PHACTR1: variants seen among roughly 807,000 people sequenced by gnomAD.
The protein encoded by PHACTR1 is RPEL repeat containing 1.
PHACTR1 carries 16 observed loss-of-function variants against 69.2 expected under a neutral mutation model. The ratio of observed to expected loss-of-function variants is 0.23; its 90% CI spans 0.16 to 0.35. The LOEUF is 0.35. Ranked by LOEUF, PHACTR1 falls within the 10% of genes least tolerant of loss-of-function variation. The probability of loss-of-function intolerance (pLI) is 1.00; values close to 1 mark genes in which losing one functional copy is unlikely to be tolerated. For missense variants in PHACTR1, 510 were observed against 734.7 expected (o/e 0.69, Z 3.54); for synonymous variants, 312 against 284.5 (o/e 1.10, Z -0.97).
intron 4 of PHACTR1, among the ~76,000 whole-genome samples, chr6:12,819,482 G>A (rs991033575): frequency 2.6e-5 from 4 of 152,096 alleles, no homozygotes; most frequent in Non-Finnish European, 5.9e-5. Context: ...CAGTAAGGTA[G>A]GAGTTAGGAA....
intron 8 of PHACTR1, among the ~76,000 whole-genome samples, chr6:13,219,399 G>A (rs891487696): frequency 6.6e-6 from 1 of 152,164 alleles, no homozygotes; most frequent in Non-Finnish European, 1.5e-5. Flanking sequence ...CAGGGACGGG[G>A]CACTGAAGAA....
intron 4 of PHACTR1, among the ~76,000 whole-genome samples, chr6:12,891,232 T>C (rs2127468942): frequency 6.6e-6 from 1 of 152,260 alleles, no homozygotes; most frequent in East Asian, 1.9e-4. Context: ...ATTTGGGTGA[T>C]CAGTGTGAAA....
intron 4 of PHACTR1, among the ~76,000 whole-genome samples, chr6:12,753,693 C>T (rs1766893162): frequency 1.3e-5 from 2 of 152,284 alleles, no homozygotes; most frequent in Admixed American, 1.3e-4. Context: ...CCAAGGATAG[C>T]TGTTTCTGGC....
At chr6:13,228,084 C>T in intron 9 of PHACTR1, 21 bp downstream of exon 9, 1 of 1,599,712 alleles carries the variant, frequency 6.3e-7, no homozygotes. Flanking sequence ...CTTAACTCAT[C>T]ACCAGGGGTG....
chr6:13,048,688 C>T (rs1214950174), intron 4 of PHACTR1, among the ~76,000 whole-genome samples: 1 of 152,206 alleles, frequency 6.6e-6, no homozygotes, highest in African/African-American at 2.4e-5. Flanking sequence ...CATGCCACCA[C>T]ACCCAGCTTA....
intron 4 of PHACTR1, among the ~76,000 whole-genome samples, chr6:12,825,298 A>G (rs1333554278): frequency 1.3e-5 from 2 of 151,680 alleles, no homozygotes; most frequent in Non-Finnish European, 2.9e-5. Context: ...GGGCAACAGA[A>G]CAAAACCCTC....
Position 13,283,779 on chromosome 6 carries a change from C to A in PHACTR1, c.1650+217C>A. The A allele has an allele frequency of 1.6e-6, 1 of 626,028 alleles. No individual in the cohort carries two copies. The highest frequency in any genetic ancestry group is 2.7e-6 in the Non-Finnish European group (1 of 369,234). The allele number at this position is 626,028 out of a possible 1,614,324, so 38.8% of individuals were successfully genotyped here. On this transcript the variant is annotated intron_variant, in intron 13 of 14. Coordinates refer to ENST00000332995, the MANE Select transcript of PHACTR1 (RefSeq NM_030948.6). This position sits in a 1 kb window ranked among gnomAD's most constrained non-coding sequence, Gnocchi z 4.7. ...AAACACAAGGCACATAATACTGTGC[C>A]CATTTTACAGGAGGAGGAGCAGCAG...
At chr6:12,875,460 C>G (rs1220795968) in intron 4 of PHACTR1, among the ~76,000 whole-genome samples, 1 of 152,206 alleles carries the variant, frequency 6.6e-6, no homozygotes, top group Non-Finnish European at 1.5e-5. Context: ...TCACCCAAAG[C>G]TGAGCAGAAC....
intron 4 of PHACTR1, among the ~76,000 whole-genome samples, chr6:12,887,652 T>G (rs1783768483): frequency 1.3e-5 from 2 of 152,202 alleles, no homozygotes. Context: ...GTCCACTATG[T>G]GCCAGGCATT....
chr6:12,953,247 T>C (rs554793198), intron 4 of PHACTR1, among the ~76,000 whole-genome samples: 1 of 152,238 alleles, frequency 6.6e-6, no homozygotes, highest in South Asian at 2.1e-4. Flanking sequence ...CTCTTGAACC[T>C]GGAAGGTGAA....
At chr6:13,022,568 C>A (rs1801124826) in intron 4 of PHACTR1, among the ~76,000 whole-genome samples, 1 of 151,968 alleles carries the variant, frequency 6.6e-6, no homozygotes, top group Non-Finnish European at 1.5e-5. Flanking sequence ...TGCACACTGT[C>A]TATGGCACCT....
rs889440459 is a variant in PHACTR1 at position 13,154,751 on chromosome 6, G to A, written c.416-5453G>A. 2.7e-5 allele frequency among the ~76,000 whole-genome samples: 4 copies of A among 150,692 alleles called. No individual in the cohort carries two copies. The East Asian group carries it at 5.9e-4, about 22-fold the overall frequency. On this transcript the variant is annotated intron_variant, in intron 5 of 14. Coordinates refer to ENST00000332995, the MANE Select transcript of PHACTR1 (RefSeq NM_030948.6). ...TTATCTTATCCCTGCCATCCGTCGG[G>A]CTGGTACATGACACATCACACCTTC...
rs190079866 is a variant in PHACTR1, at chr6:12,981,511, G to A, written c.251-71854G>A. Among the ~76,000 whole-genome samples, 191 of 152,236 alleles carry A rather than the reference G, an allele frequency of 1.3e-3. 1 individual carries two copies. The highest frequency in any genetic ancestry group is 4.4e-3 in the African/African-American group (183 of 41,554). ...ATCTCACATTGGAAAGATTTTTATC[G>A]TGCTTACGTAGGAAAAATTCCACAA... On this transcript the variant is annotated intron_variant, in intron 4 of 14. Transcript: ENST00000332995.
intron 4 of PHACTR1, among the ~76,000 whole-genome samples, chr6:12,791,192 C>T (rs539387711): frequency 1.9e-4 from 29 of 152,226 alleles, no homozygotes; most frequent in African/African-American, 6.3e-4. Flanking sequence ...TGACTGCTTC[C>T]GTCTGCAGAA....
At chr6:13,020,558 G>A (rs1800818488) in intron 4 of PHACTR1, among the ~76,000 whole-genome samples, 1 of 152,192 alleles carries the variant, frequency 6.6e-6, no homozygotes, top group Non-Finnish European at 1.5e-5. Flanking sequence ...TACTTGGGCT[G>A]AATTGAGTAG....
At chr6:12,728,473 A>C (rs1763078850) in intron 3 of PHACTR1, among the ~76,000 whole-genome samples, 1 of 152,180 alleles carries the variant, frequency 6.6e-6, no homozygotes, top group African/African-American at 2.4e-5. Context: ...TTCCCATATT[A>C]GCTTAAAAAT....
intron 4 of PHACTR1, among the ~76,000 whole-genome samples, chr6:12,953,137 A>G (rs34175679): frequency 0.16 from 24,467 of 151,986 alleles, 2,235 homozygotes; most frequent in Middle Eastern, 0.24. Context: ...AGCCTGGCCA[A>G]TGTGGTGAAA....
At chr6:12,873,760 G>C (rs761475317) in intron 4 of PHACTR1, among the ~76,000 whole-genome samples, 4 of 152,208 alleles carry the variant, frequency 2.6e-5, no homozygotes, top group Non-Finnish European at 5.9e-5. Flanking sequence ...CAAAGAGTGT[G>C]AATGGGCAGA....
At chr6:12,966,213 C>G (rs1793468869) in intron 4 of PHACTR1, among the ~76,000 whole-genome samples, 1 of 152,126 alleles carries the variant, frequency 6.6e-6, no homozygotes, top group African/African-American at 2.4e-5. Context: ...AGGACTCAGG[C>G]TGGGGGCAGA....
Sources: allele counts gnomAD v4.1 joint callset (sites outside exome capture counted in the v4.1 genomes callset), GRCh38; gene constraint gnomAD v4.1.1; non-coding constraint Gnocchi (gnomAD v3.1); transcripts MANE v1.5; gene names NCBI Gene and HGNC (gene_info 2026-07-23, HGNC 2026-07-21).